Variants in ANO2 observed in about 807,000 individuals in gnomAD.
ANO2 encodes the protein anoctamin 2, also known as anoctamin-2.
A neutral mutation model predicts 124.2 loss-of-function variants in ANO2; 101 were observed. The ratio of observed to expected loss-of-function variants is 0.81; its 90% CI spans 0.69 to 0.96. The LOEUF (loss-of-function observed/expected upper bound fraction) is 0.96. ANO2 is among the 40% of genes least tolerant of loss of function. The probability of loss-of-function intolerance (pLI) is 0.00; values close to 1 mark genes in which losing one functional copy is unlikely to be tolerated. For synonymous variants in ANO2, 486 were observed against 482.5 expected (o/e 1.01, Z -0.09); for missense variants, 1,293 against 1,274.5 (o/e 1.01, Z -0.22).
At chr12:5,702,658 C>G (rs532995253) in intron 14 of ANO2, among the ~76,000 whole-genome samples, 21 of 151,782 alleles carry the variant, frequency 1.4e-4, no homozygotes, top group Non-Finnish European at 2.6e-4. Flanking sequence ...CCAAGTATTT[C>G]CAAGATTCAT....
chr12:5,709,210 T>C (rs1949721796), intron 14 of ANO2, among the ~76,000 whole-genome samples: 1 of 152,232 alleles, frequency 6.6e-6, no homozygotes, highest in South Asian at 2.1e-4. Context: ...GTTGTTCCCC[T>C]CTATCCAGTT....
intron 14 of ANO2, among the ~76,000 whole-genome samples, chr12:5,649,817 TA>T (rs1378949514): frequency 6.6e-6 from 1 of 151,086 alleles, no homozygotes; most frequent in African/African-American, 2.4e-5. Flanking sequence ...TGTGTGTGTG[TA>T]TTTTTTTAGT....
At chr12:5,723,162 A>G (rs1014004834) in intron 14 of ANO2, among the ~76,000 whole-genome samples, 1 of 152,128 alleles carries the variant, frequency 6.6e-6, no homozygotes, top group African/African-American at 2.4e-5. Context: ...GTGGTAGTCA[A>G]TCAGAATCAC....
chr12:5,695,390 A>C (rs1260440277), intron 14 of ANO2, among the ~76,000 whole-genome samples: 1 of 152,152 alleles, frequency 6.6e-6, no homozygotes, highest in East Asian at 1.9e-4. Context: ...AAAAAAAAAA[A>C]AGCACATTCC....
chr12:5,898,555 C>T (rs766801809), intron 3 of ANO2, among the ~76,000 whole-genome samples: 2 of 152,208 alleles, frequency 1.3e-5, no homozygotes, highest in Admixed American at 6.5e-5. Context: ...TATCCAGTAA[C>T]GCATAAACCA....
At chr12:5,807,506 G>C (rs931374267) in intron 7 of ANO2, 138 bp from the exon 8 acceptor site, 13 of 616,066 alleles carry the variant, frequency 2.1e-5, no homozygotes, top group Non-Finnish European at 3.2e-5. Flanking sequence ...ATCCAGGCTA[G>C]AACTTTTTGT....
At chr12:5,737,063 T>C (rs973316105) in intron 13 of ANO2, among the ~76,000 whole-genome samples, 1 of 152,196 alleles carries the variant, frequency 6.6e-6, no homozygotes, top group African/African-American at 2.4e-5. Context: ...CCATATTCCA[T>C]ACAAAAACCT....
At chr12:5,606,296 T>G (rs1481854911) in intron 19 of ANO2, among the ~76,000 whole-genome samples, 1 of 152,184 alleles carries the variant, frequency 6.6e-6, no homozygotes, top group Non-Finnish European at 1.5e-5. Flanking sequence ...GAAGGAGTTA[T>G]TTAGTTATTT....
intron 17 of ANO2, among the ~76,000 whole-genome samples, chr12:5,613,762 G>A (rs1234169033): frequency 6.6e-6 from 1 of 152,128 alleles, no homozygotes. Context: ...TCACTTACTG[G>A]AGATGATAGT....
intron 23 of ANO2, among the ~76,000 whole-genome samples, chr12:5,575,141 C>T (rs1942326084): frequency 6.6e-6 from 1 of 152,178 alleles, no homozygotes; most frequent in African/African-American, 2.4e-5. Flanking sequence ...ATTCTAGTCC[C>T]TCAAGTAATC....
intron 14 of ANO2, among the ~76,000 whole-genome samples, chr12:5,668,973 G>A (rs1947865576): frequency 1.3e-5 from 2 of 151,916 alleles, no homozygotes; most frequent in South Asian, 4.2e-4. Flanking sequence ...TTGAAGTTGG[G>A]TAGCGTGATG....
chr12:5,697,063 G>C (rs1949211746), intron 14 of ANO2, among the ~76,000 whole-genome samples: 1 of 152,142 alleles, frequency 6.6e-6, no homozygotes, highest in African/African-American at 2.4e-5. Context: ...AAGATACCTA[G>C]CACCTACATT....
At chr12:5,828,573 T>TA (rs1332959685) in intron 6 of ANO2, among the ~76,000 whole-genome samples, 1 of 152,214 alleles carries the variant, frequency 6.6e-6, no homozygotes, top group African/African-American at 2.4e-5. Flanking sequence ...ATTCATGTCT[T>TA]AGAGCACAGT....
intron 20 of ANO2, among the ~76,000 whole-genome samples, chr12:5,584,734 T>C (rs927214460): frequency 1.8e-4 from 28 of 152,184 alleles, no homozygotes; most frequent in Non-Finnish European, 1.8e-4. Context: ...CAAGTGTCGA[T>C]TGTACACATA....
chr12:5,640,663 A>T (rs1344463393), intron 15 of ANO2, among the ~76,000 whole-genome samples: 1 of 152,244 alleles, frequency 6.6e-6, no homozygotes, highest in Non-Finnish European at 1.5e-5. Flanking sequence ...TGCAAATCAA[A>T]ACCACAATGA....
intron 4 of ANO2, among the ~76,000 whole-genome samples, chr12:5,837,292 T>TG (rs1954353227): frequency 2.3e-5 from 2 of 85,450 alleles, no homozygotes; most frequent in Middle Eastern, 4.7e-3. Flanking sequence ...GATGCAGATT[T>TG]CTTTTTTTTT....
At chr12:5,703,123 T>C (rs1164126411) in intron 14 of ANO2, among the ~76,000 whole-genome samples, 4 of 152,134 alleles carry the variant, frequency 2.6e-5, no homozygotes, top group African/African-American at 9.7e-5. Context: ...GGTAAATAAA[T>C]GATGGCATAT....
chr12:5,808,333 C>T (rs550248920), intron 7 of ANO2, among the ~76,000 whole-genome samples: 2 of 152,332 alleles, frequency 1.3e-5, no homozygotes, highest in East Asian at 1.9e-4. Context: ...GAACCTTCTG[C>T]GCAGCATAAA....
intron 8 of ANO2, 24 bp from the exon 9 acceptor site, chr12:5,806,117 A>C: frequency 6.2e-7 from 1 of 1,608,232 alleles, no homozygotes; most frequent in Non-Finnish European, 8.5e-7. Flanking sequence ...GTGATGCTGG[A>C]TAAAGCCAAT....
Sources: gnomAD v4.1 joint callset for allele counts (sites outside exome capture counted in the v4.1 genomes callset) on GRCh38, gnomAD v4.1.1 for gene constraint, MANE v1.5 for transcripts, NCBI Gene and HGNC (gene_info 2026-07-23, HGNC 2026-07-21) for gene names.